The following MCF2 variants were observed in gnomAD, a reference collection of about 807,000 sequenced individuals.
MCF2 encodes the protein proto-oncogene DBL.
MCF2 carries 44 observed loss-of-function variants against 82.5 expected under a neutral mutation model. The ratio of observed to expected loss-of-function variants is 0.53; its 90% CI spans 0.42 to 0.69. The LOEUF (loss-of-function observed/expected upper bound fraction) is 0.69, where lower values mean the gene tolerates loss of function less well. MCF2 is among the 30% of genes least tolerant of loss of function. MCF2 has a pLI of 0.00. For missense variants in MCF2, 623 were observed against 663.1 expected, an observed-to-expected ratio of 0.94 and a Z score of 0.66; for synonymous variants, 217 against 224.9, an observed-to-expected ratio of 0.96 and a Z score of 0.32.
At chrX:139,632,080 C>CAT (rs1486573084) in intron 2 of MCF2, among the ~76,000 whole-genome samples, 1 of 110,822 alleles carries the variant, frequency 9.0e-6, no homozygotes, top group African/African-American at 3.3e-5. Flanking sequence ...TGCACACATA[C>CAT]ATATATACAC....
intron 1 of MCF2, among the ~76,000 whole-genome samples, chrX:139,663,237 C>A (rs1294967681): frequency 8.9e-6 from 1 of 112,239 alleles, no homozygotes. Context: ...TCCACAGTGA[C>A]TGTACTAGTT....
In MCF2 at chrX:139,618,506, C is replaced by T. The variant is rs112783607; in HGVS notation, c.808-802G>A. On this transcript the variant is annotated intron_variant, in intron 7 of 24. Coordinates refer to ENST00000370576, the Ensembl canonical transcript of MCF2. ...TATGTGTTTTTACCACAATTAGAAA[C>T]GAAAAATTATTAAATGGAAAAAAAT... 1.6e-4 allele frequency among the ~76,000 whole-genome samples: 18 copies of T among 110,849 alleles called. No individual in the cohort carries two copies. In the East Asian group the frequency reaches 3.1e-3, roughly 19 times the overall value.
intron 1 of MCF2, among the ~76,000 whole-genome samples, chrX:139,705,721 C>T (rs1424717601): frequency 8.9e-6 from 1 of 111,974 alleles, no homozygotes; most frequent in Non-Finnish European, 1.9e-5. Flanking sequence ...AGTGGGACCT[C>T]ATTAAACTAA....
At chrX:139,656,093 G>A (rs1051441042) in intron 1 of MCF2, among the ~76,000 whole-genome samples, 17 of 111,590 alleles carry the variant, frequency 1.5e-4, no homozygotes, top group Non-Finnish European at 2.1e-4. Flanking sequence ...ACGGAGTCTC[G>A]CTCTGTCACC....
intron 1 of MCF2, among the ~76,000 whole-genome samples, chrX:139,704,540 A>G (rs1935556839): frequency 9.0e-6 from 1 of 111,684 alleles, no homozygotes; most frequent in Non-Finnish European, 1.9e-5. Context: ...AAAAATCACC[A>G]CTAAAGAACT....
chrX:139,702,472 G>A (rs1452620340), intron 1 of MCF2: 1 of 112,191 alleles, frequency 8.9e-6, no homozygotes, highest in African/African-American at 3.2e-5. Context: ...ATGATATATG[G>A]AAGGAATGAT....
At chrX:139,638,492 G>A (rs1933367828) in intron 1 of MCF2, among the ~76,000 whole-genome samples, 1 of 111,422 alleles carries the variant, frequency 9.0e-6, no homozygotes, top group South Asian at 3.8e-4. Context: ...TGGGGACCAT[G>A]GTGAACTGGA....
At chrX:139,634,921 C>A (rs1933114730) in intron 1 of MCF2, among the ~76,000 whole-genome samples, 1 of 110,069 alleles carries the variant, frequency 9.1e-6, no homozygotes, top group Non-Finnish European at 1.9e-5. Flanking sequence ...CATAGTGAGA[C>A]CCCATCTCTA....
At chrX:139,684,081 C>T (rs988810997) in intron 1 of MCF2, among the ~76,000 whole-genome samples, 2 of 112,401 alleles carry the variant, frequency 1.8e-5, no homozygotes, top group Admixed American at 1.9e-4. Context: ...CATTAAATGT[C>T]TGATAAAGAT....
At chrX:139,679,491 T>C (rs1234102277) in intron 1 of MCF2, among the ~76,000 whole-genome samples, 1 of 111,537 alleles carries the variant, frequency 9.0e-6, no homozygotes, top group Non-Finnish European at 1.9e-5. Context: ...CAAACCTTTG[T>C]TAGGCTCCTA....
chrX:139,632,468 G>C lies in MCF2; in HGVS notation c.52-14C>G. ...AGGGAAGGAAGCCTGTAGAAAGAAA[G>C]AACAAAAGAAATTGGAAAAAAAATT... On this transcript the variant is annotated splice_polypyrimidine_tract_variant and intron_variant, in intron 1 of 24. Coordinates refer to ENST00000370576, the Ensembl canonical transcript of MCF2. The C allele has an allele frequency of 4.2e-6, 5 of 1,182,269 alleles. No individual in the cohort carries two copies. The highest frequency in any genetic ancestry group is 5.7e-6 in the Non-Finnish European group (5 of 881,288).
At chrX:139,697,321 A>G (rs781386018) in intron 1 of MCF2, among the ~76,000 whole-genome samples, 32 of 112,111 alleles carry the variant, frequency 2.9e-4, no homozygotes, top group Non-Finnish European at 5.3e-4. Context: ...GGGCTGATAC[A>G]TGTAAAGAGA....
At chrX:139,695,452 T>C (rs185853957) in intron 1 of MCF2, among the ~76,000 whole-genome samples, 3 of 112,191 alleles carry the variant, frequency 2.7e-5, no homozygotes, top group East Asian at 5.6e-4. Context: ...CTTATGTTGA[T>C]TGACTTATCT....
chrX:139,607,039 T>A, intron 12 of MCF2: 1 of 111,530 alleles, frequency 9.0e-6, no homozygotes, highest in East Asian at 2.8e-4. Context: ...TTAACATCTA[T>A]AAAATAACAT....
intron 1 of MCF2, among the ~76,000 whole-genome samples, chrX:139,688,043 G>A (rs1453517957): frequency 9.0e-6 from 1 of 111,640 alleles, no homozygotes; most frequent in Non-Finnish European, 1.9e-5. Context: ...ATAACAACTG[G>A]CCAGTAGAAA....
intron 6 of MCF2, among the ~76,000 whole-genome samples, chrX:139,624,432 T>C (rs1465623627): frequency 1.9e-5 from 2 of 107,829 alleles, no homozygotes; most frequent in African/African-American, 6.8e-5. Context: ...CCCAGCTACT[T>C]GGGAGGCTGA....
chrX:139,648,384 C>G (rs184993829), intron 2 of MCF2, among the ~76,000 whole-genome samples: 25 of 109,309 alleles, frequency 2.3e-4, no homozygotes, highest in African/African-American at 7.0e-4. Flanking sequence ...CACGCCCCCC[C>G]CAAAAAGAAA....
chrX:139,701,664 CTCTA>C (rs1176370338), intron 1 of MCF2, among the ~76,000 whole-genome samples: 4 of 112,242 alleles, frequency 3.6e-5, no homozygotes, highest in Non-Finnish European at 7.5e-5. Context: ...CTTTCTCTGT[CTCTA>C]TCTTTCTCTG....
intron 1 of MCF2, among the ~76,000 whole-genome samples, chrX:139,637,195 T>C (rs1186910587): frequency 8.9e-6 from 1 of 112,180 alleles, no homozygotes; most frequent in Non-Finnish European, 1.9e-5. Context: ...TTACTCCCAA[T>C]TTTAGTAGCC....
Sources: allele counts gnomAD v4.1 joint callset (sites outside exome capture counted in the v4.1 genomes callset), GRCh38; gene constraint gnomAD v4.1.1; transcripts MANE v1.5; gene names NCBI Gene and HGNC (gene_info 2026-07-23, HGNC 2026-07-21).